CSNK2A1: variants seen among roughly 807,000 people sequenced by gnomAD.
CSNK2A1 encodes the protein casein kinase 2 alpha 1, also known as casein kinase II subunit alpha.
In CSNK2A1, 10 loss-of-function variants were observed where a neutral mutation model predicts 62.9. The ratio of observed to expected loss-of-function variants is 0.16; its 90% CI spans 0.10 to 0.27. CSNK2A1 has a LOEUF of 0.27. CSNK2A1 is among the 10% of genes least tolerant of loss of function. The pLI, the probability that CSNK2A1 is intolerant of heterozygous loss-of-function variation, is 1.00. For missense variants in CSNK2A1, 160 were observed against 492.0 expected (o/e 0.33, Z 6.38); for synonymous variants, 124 against 167.8 (o/e 0.74, Z 2.02).
intron 1 of CSNK2A1, among the ~76,000 whole-genome samples, chr20:536,913 A>G (rs1178283610): frequency 6.6e-6 from 1 of 152,098 alleles, no homozygotes; most frequent in Non-Finnish European, 1.5e-5. Flanking sequence ...GAATTCAATA[A>G]CCCAAAATGA....
At chr20:503,753 T>C (rs2018516849) in intron 4 of CSNK2A1, 1 of 398,410 alleles carries the variant, frequency 2.5e-6, no homozygotes, top group Non-Finnish European at 4.4e-6. Flanking sequence ...ATGACAACAT[T>C]TGAAAAGCTA....
chr20:535,238 G>A (rs1283232018), intron 1 of CSNK2A1, among the ~76,000 whole-genome samples: 2 of 151,796 alleles, frequency 1.3e-5, no homozygotes, highest in African/African-American at 4.8e-5. Context: ...AGCTCAAGAT[G>A]GCTTCACTGG....
chr20:529,305 C>A (rs1450311017), intron 1 of CSNK2A1, among the ~76,000 whole-genome samples: 1 of 151,984 alleles, frequency 6.6e-6, no homozygotes, highest in Non-Finnish European at 1.5e-5. Flanking sequence ...GGATTACAGG[C>A]ATGAGCCATT....
chr20:521,801 C>G (rs948245028), intron 2 of CSNK2A1, among the ~76,000 whole-genome samples: 3 of 152,146 alleles, frequency 2.0e-5, no homozygotes, highest in Admixed American at 6.6e-5. Context: ...GTTGCCCAGG[C>G]TGGTCTCAAA....
chr20:520,324 C>T (rs1358292920), intron 2 of CSNK2A1, among the ~76,000 whole-genome samples: 1 of 152,016 alleles, frequency 6.6e-6, no homozygotes, highest in African/African-American at 2.4e-5. Flanking sequence ...TGATCTTAAA[C>T]TTATTACAAA....
At chr20:517,758 G>A (rs1424966167) in intron 2 of CSNK2A1, among the ~76,000 whole-genome samples, 1 of 152,106 alleles carries the variant, frequency 6.6e-6, no homozygotes, top group African/African-American at 2.4e-5. Flanking sequence ...GGCACATTTT[G>A]TTATCTTCTA....
intron 2 of CSNK2A1, among the ~76,000 whole-genome samples, chr20:525,391 G>T (rs143505370): frequency 7.4e-4 from 113 of 152,096 alleles, no homozygotes; most frequent in African/African-American, 2.6e-3. Context: ...AGTGGCTCAC[G>T]CCTGTAATCC....
chr20:503,270 G>C (rs571652007), intron 4 of CSNK2A1: 1 of 381,186 alleles, frequency 2.6e-6, no homozygotes, highest in Non-Finnish European at 4.6e-6. Context: ...TTAGCCCCTC[G>C]AGGACCTGCG....
At chr20:529,201 T>A (rs1412683746) in intron 1 of CSNK2A1, among the ~76,000 whole-genome samples, 1 of 151,682 alleles carries the variant, frequency 6.6e-6, no homozygotes, top group Non-Finnish European at 1.5e-5. Context: ...TTTTTTTTTT[T>A]TTTTTGTAAA....
intron 4 of CSNK2A1, 198 bp from the exon 5 acceptor site, chr20:500,132 T>G (rs1040521769): frequency 1.9e-6 from 1 of 536,118 alleles, no homozygotes; most frequent in African/African-American, 1.9e-5. Flanking sequence ...AATGTTGAAT[T>G]GAAAGAAAAA....
Position 483,203 on chromosome 20 carries a change from G to C in CSNK2A1, c.*758C>G, listed in dbSNP as rs2017990237. The C allele has an allele frequency of 6.6e-6, 1 of 152,212 alleles. No homozygotes were observed. The highest frequency in any genetic ancestry group is 2.1e-4 in the South Asian group (1 of 4,832). 9.4% of individuals were successfully genotyped at this position (152,212 alleles called of 1,614,324 possible). On this transcript the variant is annotated 3_prime_UTR_variant, in exon 14 of 14. Coordinates refer to ENST00000217244, the MANE Select transcript of CSNK2A1 (RefSeq NM_177559.3). ...AACAGGGAAAAGACCAAGGTAAGGAGCCTGGGAGGGAAGGTATCAACATTT... is the reference window on the plus strand; with the variant it reads ...AACAGGGAAAAGACCAAGGTAAGGACCCTGGGAGGGAAGGTATCAACATTT...
intron 2 of CSNK2A1, 57 bp downstream of exon 2, chr20:527,876 T>C (rs1449427996): frequency 6.6e-6 from 1 of 152,190 alleles, no homozygotes; most frequent in Non-Finnish European, 1.5e-5. Context: ...TACCTATAAA[T>C]GTTATTGCAT....
rs145743591 is a variant in CSNK2A1 at position 485,597 on chromosome 20, T to C, written c.1060+779A>G. Among the ~76,000 whole-genome samples the C allele has an allele frequency of 7.9e-5, 12 of 152,352 alleles. No individual in the cohort carries two copies. The East Asian group carries it at 2.3e-3, about 29-fold the overall frequency. ...TTCCATTAAATGGATATACCATAAC[T>C]GATTTAACCAGTTTCCTACTGATAG... is the stretch of plus-strand genomic sequence containing the variant. On this transcript the variant is annotated intron_variant, in intron 13 of 13. Coordinates refer to ENST00000217244, the MANE Select transcript of CSNK2A1 (RefSeq NM_177559.3).
chr20:495,773 A>C lies in CSNK2A1; in HGVS notation c.456T>G (p.Ile152Met). ...KALDYCHSMGIMHRDVKPHNV... is the reference protein window; with the variant it reads ...KALDYCHSMGMMHRDVKPHNV... ...TATGGGGCTTGACATCTCTGTGCATAATTCCCATGCTGTGACAATAATCCA... is the reference window on the plus strand; with the variant it reads ...TATGGGGCTTGACATCTCTGTGCATCATTCCCATGCTGTGACAATAATCCA... The change falls in exon 8 of 14, where the codon ATT (isoleucine) becomes ATG (methionine). Residue 152 changes from isoleucine (I) to methionine (M), a missense_variant. By Grantham distance (10) the Ile-to-Met change is conservative (BLOSUM62 1). Transcript: ENST00000217244. 1 of 1,614,132 alleles carries C rather than the reference A, an allele frequency of 6.2e-7. No individual in the cohort carries two copies. Among genetic ancestry groups the C allele is most frequent in the Admixed American group, 1.7e-5 (1 of 60,018 alleles).
chr20:498,864 G>C (rs986216405), intron 6 of CSNK2A1: 1 of 152,838 alleles, frequency 6.5e-6, no homozygotes, highest in Non-Finnish European at 1.5e-5. Context: ...CAGTTTATGA[G>C]GAATCCTAAG....
rs2017980248 is a variant in CSNK2A1 at position 482,818 on chromosome 20, T to A, written c.*1143A>T. On this transcript the variant is annotated 3_prime_UTR_variant, in exon 14 of 14. Transcript: ENST00000217244. ...GGTGGCGGGGCTGTAACAAGAGAGT[T>A]TATAGTTTTCCCACAATTACAGGTC... 6.6e-6 allele frequency: 1 copy of A among 152,598 alleles called. No homozygotes were observed. The highest frequency in any genetic ancestry group is 6.5e-5 in the Admixed American group (1 of 15,270). 9.5% of individuals were successfully genotyped at this position (152,598 alleles called of 1,614,324 possible). A position where few individuals can be genotyped will look rare whatever the true frequency, so the allele number is the denominator to read the frequency against.
Position 478,836 on chromosome 20 carries a change from AG to A in CSNK2A1, c.*5124del. On this transcript the variant is annotated 3_prime_UTR_variant, in exon 14 of 14. Coordinates refer to ENST00000217244, the MANE Select transcript of CSNK2A1 (RefSeq NM_177559.3). The stretch of plus-strand genomic sequence containing the variant: ...GTAGTCCCTGGAAGGCTGAGTTGGG[AG>A]GATCACCTGAGCCTGGGAGGTTGAG... 3.7e-6 allele frequency: 1 copy of A among 271,036 alleles called. No homozygotes were observed. Among genetic ancestry groups the A allele is most frequent in the Non-Finnish European group, 7.3e-6 (1 of 136,948 alleles). The allele number at this position is 271,036 out of a possible 1,614,324, so 16.8% of individuals were successfully genotyped here. A position where few individuals can be genotyped will look rare whatever the true frequency, so the allele number is the denominator to read the frequency against.
chr20:484,750 G>A (rs2018031983), intron 13 of CSNK2A1, among the ~76,000 whole-genome samples: 1 of 151,090 alleles, frequency 6.6e-6, no homozygotes, highest in Admixed American at 6.6e-5. Context: ...CATTCACATG[G>A]TTCAAAATAC....
intron 2 of CSNK2A1, among the ~76,000 whole-genome samples, chr20:524,708 C>CAAAAAAAAAA (rs56228720): frequency 1.2e-5 from 1 of 83,174 alleles, no homozygotes; most frequent in African/African-American, 4.4e-5. Flanking sequence ...GACTCCATCT[C>CAAAAAAAAAA]AAAAAAAAAA....
Sources: allele counts gnomAD v4.1 joint callset (sites outside exome capture counted in the v4.1 genomes callset), GRCh38; gene constraint gnomAD v4.1.1; transcripts MANE v1.5; gene names NCBI Gene and HGNC (gene_info 2026-07-23, HGNC 2026-07-21).